SGCB: variants seen among roughly 807,000 people sequenced by gnomAD.
SGCB encodes the protein sarcoglycan beta.
In SGCB, 25 loss-of-function variants were observed where a neutral mutation model predicts 27.3. The ratio of observed to expected loss-of-function variants is 0.92; its 90% CI spans 0.67 to 1.28. The LOEUF (loss-of-function observed/expected upper bound fraction) is 1.28, where lower values mean the gene tolerates loss of function less well. Among genes scored for constraint, SGCB ranks in the 50% most tolerant of loss-of-function variants. The probability of loss-of-function intolerance (pLI) is 0.00; values close to 1 mark genes in which losing one functional copy is unlikely to be tolerated. For synonymous variants in SGCB, 147 were observed against 133.5 expected (o/e 1.10, Z -0.70); for missense variants, 436 against 402.1 (o/e 1.08, Z -0.72).
Position 52,024,178 on chromosome 4 carries a change from A to G in SGCB, c.754-18T>C. On this transcript the variant is annotated intron_variant, in intron 5 of 5. Coordinates refer to ENST00000381431, the MANE Select transcript of SGCB (RefSeq NM_000232.5). ...CTGTTTTCCTATTAGGAGAATAGTA[A>G]TATGATTTATTTACCTCCATGAGGG... The G allele has an allele frequency of 1.3e-6, 2 of 1,593,458 alleles. No individual in the cohort carries two copies. The highest frequency in any genetic ancestry group is 1.7e-6 in the Non-Finnish European group (2 of 1,162,324).
chr4:52,025,426 C>T (rs887185625), intron 5 of SGCB, among the ~76,000 whole-genome samples: 2 of 152,074 alleles, frequency 1.3e-5, no homozygotes, highest in African/African-American at 4.8e-5. Flanking sequence ...GGGAAGGGTA[C>T]TCAAAGCAGA....
chr4:52,036,631 G>A (rs577651109), intron 1 of SGCB, among the ~76,000 whole-genome samples: 11 of 152,286 alleles, frequency 7.2e-5, no homozygotes, highest in African/African-American at 2.6e-4. Flanking sequence ...CTGAAGTCTG[G>A]GGAAAGGTGT....
rs1027231963 is a variant in SGCB at position 52,022,589 on chromosome 4, A to G, written c.*1368T>C. 5.3e-5 allele frequency: 8 copies of G among 152,222 alleles called. No homozygotes were observed. The highest frequency in any genetic ancestry group is 1.9e-4 in the African/African-American group (8 of 41,460). 9.4% of individuals were successfully genotyped at this position (152,222 alleles called of 1,614,324 possible). On this transcript the variant is annotated 3_prime_UTR_variant, in exon 6 of 6. Coordinates refer to ENST00000381431, the MANE Select transcript of SGCB (RefSeq NM_000232.5). ...AAATTATTATCCTTACCTAAAAATT[A>G]TGTGTATTATTTCCTGCATTAGCAC...
At position 52,024,134 on chromosome 4, in the gene SGCB, A is replaced by C. The variant is rs752920764; in HGVS notation, c.780T>G (p.Ser260=). ...KAENSIILNG[S]VMVSTTRLPS... ...GTAGGCGGGTGGTGCTGACCATCAC[A>C]GATCCATTTAGGATGATACTGTTTT... is the stretch of plus-strand genomic sequence containing the variant. Residue 260 remains serine (S), a synonymous_variant, in exon 6 of 6, where the codon TCT becomes TCG. Transcript: ENST00000381431. The C allele has an allele frequency of 1.2e-6, 2 of 1,613,864 alleles. No homozygotes were observed. The highest frequency in any genetic ancestry group is 1.7e-6 in the Non-Finnish European group (2 of 1,179,932).
At chr4:52,033,163 C>A (rs1226654314) in intron 2 of SGCB, among the ~76,000 whole-genome samples, 1 of 152,218 alleles carries the variant, frequency 6.6e-6, no homozygotes, top group Non-Finnish European at 1.5e-5. Context: ...GTCTCATGCT[C>A]TACCGATTGA....
chr4:52,025,588 G>C (rs1406505596), intron 5 of SGCB, among the ~76,000 whole-genome samples: 4 of 152,194 alleles, frequency 2.6e-5, no homozygotes, highest in African/African-American at 4.8e-5. Context: ...TGTAGGCAGG[G>C]AATAGACTTT....
At chr4:52,029,592 C>G in intron 3 of SGCB, 86 bp downstream of exon 3, 1 of 814,232 alleles carries the variant, frequency 1.2e-6, no homozygotes, top group African/African-American at 1.7e-5. Context: ...ATATCTCTTT[C>G]CAATAATCAA....
rs1402510405 is a variant in SGCB, at chr4:52,029,882, C to G, written c.244-19G>C. ...GTGTTATCTGAAAAAGAACACAAGT[C>G]CACTGTTGGTAGGCCGCATACATTT... is the stretch of plus-strand genomic sequence containing the variant. On this transcript the variant is annotated intron_variant, in intron 2 of 5. Transcript: ENST00000381431. 7.5e-6 allele frequency: 12 copies of G among 1,595,574 alleles called. No homozygotes were observed. Among genetic ancestry groups the G allele is most frequent in the East Asian group, 2.2e-5 (1 of 44,776 alleles).
At chr4:52,030,004 C>T (rs1050312340) in intron 2 of SGCB, 141 bp from the exon 3 acceptor site, 1 of 682,518 alleles carries the variant, frequency 1.5e-6, no homozygotes, top group Non-Finnish European at 2.6e-6. Context: ...ATTAATTTTC[C>T]ACTTATAAAC....
chr4:52,028,115 A>G lies in SGCB; in HGVS notation c.622-16T>C, dbSNP rs763442362. On this transcript the variant is annotated splice_polypyrimidine_tract_variant and intron_variant, in intron 4 of 5. Transcript: ENST00000381431. ...TGCTGGTAATCTGAAAATTTAAAAA[A>G]CAAGTACTAAAAAGAGTTTCTAAAT... 7 of 1,591,970 alleles carry G rather than the reference A, an allele frequency of 4.4e-6. No individual in the cohort carries two copies. Among genetic ancestry groups the G allele is most frequent in the Non-Finnish European group, 6.0e-6 (7 of 1,160,192 alleles).
chr4:52,038,097 T>TC, intron 1 of SGCB, 130 bp downstream of exon 1: 1 of 145,576 alleles, frequency 6.9e-6, no homozygotes, highest in Non-Finnish European at 1.1e-5. Context: ...CCCGCCCCGA[T>TC]CGGCCCCGCC....
At chr4:52,028,445 G>C (rs1053634211) in intron 4 of SGCB, among the ~76,000 whole-genome samples, 1 of 152,114 alleles carries the variant, frequency 6.6e-6, no homozygotes, top group Non-Finnish European at 1.5e-5. Flanking sequence ...AGACCATCCT[G>C]ACTAACACGG....
In SGCB at chr4:52,023,820, T is replaced by C; in HGVS notation, c.*137A>G. ...GCTCTCTGAGAAGATTTTAACTATG[T>C]AGACCATAAAACAGATACAGCAGTG... On this transcript the variant is annotated 3_prime_UTR_variant, in exon 6 of 6. Coordinates refer to ENST00000381431, the MANE Select transcript of SGCB (RefSeq NM_000232.5). The C allele has an allele frequency of 1.3e-5, 9 of 708,388 alleles. No individual in the cohort carries two copies. The highest frequency in any genetic ancestry group is 2.3e-5 in the Non-Finnish European group (9 of 397,540). The allele number at this position is 708,388 out of a possible 1,614,324, so 43.9% of individuals were successfully genotyped here. A position where few individuals can be genotyped will look rare whatever the true frequency, so the allele number is the denominator to read the frequency against.
intron 5 of SGCB, among the ~76,000 whole-genome samples, chr4:52,025,755 C>A (rs1394946501): frequency 6.6e-6 from 1 of 152,140 alleles, no homozygotes; most frequent in Non-Finnish European, 1.5e-5. Context: ...CTGTTCCAAC[C>A]ATCCAGGCAG....
At chr4:52,037,990 G>C (rs1578129844) in intron 1 of SGCB, among the ~76,000 whole-genome samples, 1 of 152,104 alleles carries the variant, frequency 6.6e-6, no homozygotes, top group East Asian at 1.9e-4. Context: ...CCCCCTCCGA[G>C]GATCAGCCAG....
At chr4:52,026,966 T>C (rs1039622812) in intron 5 of SGCB, among the ~76,000 whole-genome samples, 3 of 152,342 alleles carry the variant, frequency 2.0e-5, no homozygotes, top group African/African-American at 7.2e-5. Context: ...ATTAACTCTG[T>C]AGGCAACTGA....
intron 5 of SGCB, among the ~76,000 whole-genome samples, chr4:52,026,624 C>T (rs1737104539): frequency 6.6e-6 from 1 of 152,088 alleles, no homozygotes; most frequent in Non-Finnish European, 1.5e-5. Flanking sequence ...TAATGATTGG[C>T]TTATACACTT....
At position 52,023,724 on chromosome 4, in the gene SGCB, T is replaced by G; in HGVS notation, c.*233A>C. ...AAACATGACTTTTGATTTTATTTGC[T>G]TCTCATAATTATTTTAGAGAACAGT... On this transcript the variant is annotated 3_prime_UTR_variant, in exon 6 of 6. Transcript: ENST00000381431. 2.0e-6 allele frequency: 1 copy of G among 491,728 alleles called. No individual in the cohort carries two copies. 30.5% of individuals were successfully genotyped at this position (491,728 alleles called of 1,614,324 possible). A position where few individuals can be genotyped will look rare whatever the true frequency, so the allele number is the denominator to read the frequency against.
Position 52,028,927 on chromosome 4 carries a change from A to G in SGCB, c.430-6T>C, listed in dbSNP as rs1737180032. ...GTCCCTTGCTGAAAAACAATCTTCA[A>G]AAAAAACAGTTTATTGTGAATATAT... is the stretch of plus-strand genomic sequence containing the variant. On this transcript the variant is annotated splice_region_variant and splice_polypyrimidine_tract_variant and intron_variant, in intron 3 of 5. Transcript: ENST00000381431. The G allele has an allele frequency of 6.2e-7, 1 of 1,607,464 alleles. No homozygotes were observed. The highest frequency in any genetic ancestry group is 8.5e-7 in the Non-Finnish European group (1 of 1,174,082).
Sources: allele counts gnomAD v4.1 joint callset (sites outside exome capture counted in the v4.1 genomes callset), GRCh38; gene constraint gnomAD v4.1.1; transcripts MANE v1.5; gene names NCBI Gene and HGNC (gene_info 2026-07-23, HGNC 2026-07-21).